NEK11: variants seen among roughly 807,000 people sequenced by gnomAD.
The protein encoded by NEK11 is NIMA related kinase 11.
A neutral mutation model predicts 80.7 loss-of-function variants in NEK11; 72 were observed. The ratio of observed to expected loss-of-function variants is 0.89; its 90% CI spans 0.74 to 1.08. NEK11 has a LOEUF of 1.08. NEK11 is among the 50% of genes least tolerant of loss of function. NEK11 has a pLI of 0.00. For missense variants in NEK11, 764 were observed against 763.6 expected (o/e 1.00, Z -0.01); for synonymous variants, 251 against 260.7 (o/e 0.96, Z 0.36).
At chr3:131,237,387 A>G (rs1219290296) in intron 15 of NEK11, among the ~76,000 whole-genome samples, 1 of 152,190 alleles carries the variant, frequency 6.6e-6, no homozygotes, top group Non-Finnish European at 1.5e-5. Flanking sequence ...TGGGTCATTC[A>G]TTTATGCATC....
chr3:131,052,290 C>A (rs1289819592), intron 3 of NEK11, among the ~76,000 whole-genome samples: 1 of 151,860 alleles, frequency 6.6e-6, no homozygotes, highest in Non-Finnish European at 1.5e-5. Context: ...TTTTCCTGTT[C>A]ATGCGCATTT....
At chr3:131,145,048 G>C (rs967691753) in intron 7 of NEK11, among the ~76,000 whole-genome samples, 1 of 151,982 alleles carries the variant, frequency 6.6e-6, no homozygotes, top group Admixed American at 6.6e-5. Context: ...CTGTTGCCTA[G>C]GCTGGAGTGC....
At chr3:131,101,035 G>T (rs144970571) in intron 4 of NEK11, among the ~76,000 whole-genome samples, 1 of 152,084 alleles carries the variant, frequency 6.6e-6, no homozygotes, top group African/African-American at 2.4e-5. Context: ...TAAGTTGGTC[G>T]TAGTATTCTC....
intron 17 of NEK11, among the ~76,000 whole-genome samples, chr3:131,339,866 A>G (rs1401325721): frequency 3.9e-5 from 6 of 152,198 alleles, no homozygotes; most frequent in Non-Finnish European, 8.8e-5. Flanking sequence ...TAATACCCCA[A>G]GATAATGAAA....
At chr3:131,100,365 G>A (rs1560401111) in intron 4 of NEK11, among the ~76,000 whole-genome samples, 4 of 152,104 alleles carry the variant, frequency 2.6e-5, no homozygotes, top group Admixed American at 2.0e-4. Flanking sequence ...GGGAGGCTGA[G>A]GTGGGCAGAT....
intron 17 of NEK11, among the ~76,000 whole-genome samples, chr3:131,335,200 C>T (rs2097161069): frequency 6.6e-6 from 1 of 152,216 alleles, no homozygotes; most frequent in African/African-American, 2.4e-5. Context: ...CCTTGATGAA[C>T]ATTGATGCAA....
chr3:131,115,992 TA>T (rs1321699090), intron 5 of NEK11, among the ~76,000 whole-genome samples: 23 of 123,214 alleles, frequency 1.9e-4, no homozygotes, highest in South Asian at 2.6e-4. Flanking sequence ...CTTTCTTTAT[TA>T]TACTTTAAGT....
At chr3:131,239,251 C>T (rs747851927) in intron 15 of NEK11, among the ~76,000 whole-genome samples, 4 of 152,120 alleles carry the variant, frequency 2.6e-5, no homozygotes, top group Non-Finnish European at 2.9e-5. Flanking sequence ...GAAATCAGCC[C>T]GTTTATACCC....
chr3:131,031,796 G>A (rs906952707), intron 3 of NEK11, among the ~76,000 whole-genome samples: 3 of 152,108 alleles, frequency 2.0e-5, no homozygotes, highest in Non-Finnish European at 4.4e-5. Flanking sequence ...GAATCCAGTG[G>A]TGAGGATAAC....
chr3:131,321,162 C>A (rs2096893560), intron 17 of NEK11, among the ~76,000 whole-genome samples: 1 of 152,092 alleles, frequency 6.6e-6, no homozygotes, highest in African/African-American at 2.4e-5. Flanking sequence ...ACACATAGAC[C>A]AATGGAACAG....
intron 17 of NEK11, among the ~76,000 whole-genome samples, chr3:131,313,521 G>A (rs536917806): frequency 3.7e-4 from 56 of 152,242 alleles, no homozygotes; most frequent in African/African-American, 1.2e-3. Flanking sequence ...TCTGACTGGT[G>A]TGAGATGCTA....
chr3:131,247,169 G>T (rs1484629822), intron 16 of NEK11, among the ~76,000 whole-genome samples: 4 of 151,980 alleles, frequency 2.6e-5, no homozygotes, highest in East Asian at 1.9e-4. Flanking sequence ...TTGCTTTCAG[G>T]TTCTTGGTAA....
At chr3:131,076,837 GTCTTT>G (rs2074433348) in intron 3 of NEK11, among the ~76,000 whole-genome samples, 1 of 152,056 alleles carries the variant, frequency 6.6e-6, no homozygotes, top group Non-Finnish European at 1.5e-5. Flanking sequence ...TTTAGTCTTG[GTCTTT>G]TCTTTAAAAA....
chr3:131,200,095 C>T (rs998427777), intron 14 of NEK11, among the ~76,000 whole-genome samples: 1 of 152,158 alleles, frequency 6.6e-6, no homozygotes, highest in African/African-American at 2.4e-5. Flanking sequence ...TGTAGAGATT[C>T]TTGAAAGAAT....
intron 4 of NEK11, among the ~76,000 whole-genome samples, chr3:131,087,235 C>CT (rs59630167): frequency 0.32 from 25,888 of 81,402 alleles, 4,661 homozygotes; most frequent in Non-Finnish European, 0.39. Context: ...TATGCAAATT[C>CT]TTTTTTTTTT....
intron 17 of NEK11, among the ~76,000 whole-genome samples, chr3:131,336,254 C>T (rs1299518583): frequency 6.6e-6 from 1 of 152,196 alleles, no homozygotes; most frequent in Non-Finnish European, 1.5e-5. Context: ...CAGCATGGTA[C>T]TGGTACCAAA....
chr3:131,288,450 C>CTTTCTTTCTTTTT (rs536834704), intron 17 of NEK11, among the ~76,000 whole-genome samples: 1 of 115,396 alleles, frequency 8.7e-6, no homozygotes, highest in African/African-American at 3.1e-5. Context: ...TTCTTTCTTT[C>CTTTCTTTCTTTTT]TTTTTTTTTT....
chr3:131,069,744 G>C (rs570651496), intron 3 of NEK11, among the ~76,000 whole-genome samples: 1 of 150,464 alleles, frequency 6.6e-6, no homozygotes, highest in East Asian at 2.0e-4. Context: ...ACTAAACACC[G>C]CATATTCTCA....
intron 3 of NEK11, among the ~76,000 whole-genome samples, chr3:131,041,536 G>A (rs998967693): frequency 8.5e-5 from 13 of 152,068 alleles, no homozygotes; most frequent in African/African-American, 3.1e-4. Flanking sequence ...GTATACATAC[G>A]TAAATATATA....
Sources: allele counts gnomAD v4.1 joint callset (sites outside exome capture counted in the v4.1 genomes callset), GRCh38; gene constraint gnomAD v4.1.1; transcripts MANE v1.5; gene names NCBI Gene and HGNC (gene_info 2026-07-23, HGNC 2026-07-21).